The following TMEM117 variants were observed in gnomAD, a reference collection of about 807,000 sequenced individuals.
TMEM117 encodes transmembrane protein 117.
In TMEM117, 27 loss-of-function variants were observed where a neutral mutation model predicts 52.4. That is an observed-to-expected ratio of 0.51 (90% CI 0.38 to 0.71). The LOEUF is 0.71. Among genes scored for constraint, TMEM117 ranks in the 30% least tolerant of loss-of-function variants. The pLI is 0.00. For missense variants in TMEM117, 556 were observed against 630.5 expected (o/e 0.88, Z 1.26); for synonymous variants, 215 against 206.3 (o/e 1.04, Z -0.36).
chr12:43,845,000 T>G, intron 2 of TMEM117, 72 bp downstream of exon 2: 1 of 1,521,564 alleles, frequency 6.6e-7, no homozygotes, highest in Non-Finnish European at 8.8e-7. Context: ...ACAACTTTGC[T>G]ATTTCTAAGT....
At chr12:44,170,619 T>C (rs553697033) in intron 4 of TMEM117, among the ~76,000 whole-genome samples, 1 of 152,272 alleles carries the variant, frequency 6.6e-6, no homozygotes. Context: ...ATGCATTCAG[T>C]GTAGGCCAAG....
rs566131287 is a variant in TMEM117 at position 44,110,260 on chromosome 12, G to T, written c.411-33265G>T. On this transcript the variant is annotated intron_variant, in intron 3 of 7. Transcript: ENST00000266534. ...CAACACTATGTTGAATAGGAGCAGT[G>T]AGAGGGCATCCCTGTCTTGTGCCAG... Among the ~76,000 whole-genome samples, 25 of 150,496 alleles carry T rather than the reference G, an allele frequency of 1.7e-4. No homozygotes were observed. In the East Asian group the frequency reaches 4.9e-3, roughly 30 times the overall value.
At chr12:44,023,018 A>G (rs1946477937) in intron 3 of TMEM117, among the ~76,000 whole-genome samples, 1 of 152,196 alleles carries the variant, frequency 6.6e-6, no homozygotes. Flanking sequence ...TATTCATGTT[A>G]CACAGATGAA....
chr12:44,179,150 G>A (rs572512878), intron 4 of TMEM117, among the ~76,000 whole-genome samples: 9 of 151,946 alleles, frequency 5.9e-5, no homozygotes, highest in East Asian at 1.9e-4. Flanking sequence ...CCGAGATCAC[G>A]CCACTGTCCT....
At chr12:43,989,122 C>G (rs1277666958) in intron 3 of TMEM117, among the ~76,000 whole-genome samples, 1 of 152,186 alleles carries the variant, frequency 6.6e-6, no homozygotes, top group East Asian at 1.9e-4. Flanking sequence ...TGACTCTTCT[C>G]CAAGTGCTAA....
chr12:44,166,234 G>C (rs1226307806), intron 4 of TMEM117, among the ~76,000 whole-genome samples: 3 of 152,162 alleles, frequency 2.0e-5, no homozygotes, highest in Non-Finnish European at 4.4e-5. Flanking sequence ...TGCTAAGATG[G>C]AAGTTTGCAG....
At chr12:43,961,442 A>G (rs1372249872) in intron 3 of TMEM117, among the ~76,000 whole-genome samples, 1 of 152,188 alleles carries the variant, frequency 6.6e-6, no homozygotes, top group Non-Finnish European at 1.5e-5. Context: ...CTTATGCCAT[A>G]GTACTTAATG....
Position 43,997,443 on chromosome 12 carries a change from C to T in TMEM117, c.410+53101C>T, listed in dbSNP as rs555588306. ...ACTTGAATATCTCCACTTCTATTTT[C>T]AATATATACCCTGTCCATCAAGTTC... On this transcript the variant is annotated intron_variant, in intron 3 of 7. Coordinates refer to ENST00000266534, the MANE Select transcript of TMEM117 (RefSeq NM_032256.3). Among the ~76,000 whole-genome samples, 532 of 152,194 alleles carry T rather than the reference C, an allele frequency of 3.5e-3. 7 individuals carry two copies. Among genetic ancestry groups the T allele is most frequent in the African/African-American group, 0.012 (503 of 41,542 alleles).
rs1292371924 is a variant in TMEM117 at position 43,909,204 on chromosome 12, C to T, written c.278-35006C>T. On this transcript the variant is annotated intron_variant, in intron 2 of 7. Transcript: ENST00000266534. Reference sequence around the variant, plus strand: ...CAGGATTAAGAATCTCACTCAAAGCCGCTCAACTACATGGAAACTGAACAA... The same window carrying T: ...CAGGATTAAGAATCTCACTCAAAGCTGCTCAACTACATGGAAACTGAACAA... Among the ~76,000 whole-genome samples, 50 of 60,302 alleles carry T rather than the reference C, an allele frequency of 8.3e-4. 22 individuals are homozygous for T. The Admixed American group carries it at 0.01, about 12-fold the overall frequency. 39.6% of individuals were successfully genotyped at this position (60,302 alleles called of 152,430 possible).
Position 44,388,939 on chromosome 12 carries a change from T to A in TMEM117, c.*267T>A, listed in dbSNP as rs1330788044. ...ACTGACTTTACAGCATAGTGGAAGA[T>A]TAGCTGATGACCCATGTATCTGATG... On this transcript the variant is annotated 3_prime_UTR_variant, in exon 8 of 8. Transcript: ENST00000266534. 4.9e-6 allele frequency: 2 copies of A among 404,970 alleles called. No homozygotes were observed. The highest frequency in any genetic ancestry group is 4.5e-6 in the Non-Finnish European group (1 of 223,860). 25.1% of individuals were successfully genotyped at this position (404,970 alleles called of 1,614,324 possible).
intron 4 of TMEM117, among the ~76,000 whole-genome samples, chr12:44,171,847 A>G (rs150615056): frequency 0.012 from 1,863 of 152,246 alleles, 31 homozygotes; most frequent in African/African-American, 0.042. Context: ...TTTGCTGAGA[A>G]GGAGAGAAGT....
rs776126248 is a variant in TMEM117 at position 44,299,685 on chromosome 12, C to A, written c.714C>A (p.Ser238=). The change falls in exon 6 of 8, where the codon TCC becomes TCA. Residue 238 remains serine, a synonymous_variant. Coordinates refer to ENST00000266534, the MANE Select transcript of TMEM117 (RefSeq NM_032256.3). ...GATTTTTGCCCAGTGATGAAGTTTC[C>A]AGAGCATTCCTTGCTTCTTTTATCT... is the stretch of plus-strand genomic sequence containing the variant. ...NRGFLPSDEV[S]RAFLASFILV... The A allele has an allele frequency of 2.5e-6, 4 of 1,614,032 alleles. No homozygotes were observed. Among genetic ancestry groups the A allele is most frequent in the African/African-American group, 1.3e-5 (1 of 74,900 alleles).
intron 2 of TMEM117, among the ~76,000 whole-genome samples, chr12:43,883,811 A>C (rs538854166): frequency 6.6e-6 from 1 of 152,098 alleles, no homozygotes; most frequent in Non-Finnish European, 1.5e-5. Context: ...GATCTAGCCA[A>C]GCAACTCTAT....
intron 3 of TMEM117, among the ~76,000 whole-genome samples, chr12:44,115,016 A>G (rs1948113526): frequency 6.6e-6 from 1 of 152,246 alleles, no homozygotes; most frequent in South Asian, 2.1e-4. Context: ...CGTAAATCAT[A>G]TATAATTTTT....
chr12:43,815,764 C>A, the TMEM117 span, among the ~76,000 whole-genome samples: 1 of 152,214 alleles, frequency 6.6e-6, no homozygotes, highest in African/African-American at 2.4e-5. Flanking sequence ...CACACTTGCA[C>A]ACATGCAAAA....
chr12:43,853,492 T>G (rs1179770320), intron 2 of TMEM117, among the ~76,000 whole-genome samples: 1 of 152,216 alleles, frequency 6.6e-6, no homozygotes, highest in Non-Finnish European at 1.5e-5. Context: ...GCCAGGATGG[T>G]CTCGATCTCC....
chr12:44,253,829 A>G (rs1214018114), intron 5 of TMEM117, among the ~76,000 whole-genome samples: 1 of 136,376 alleles, frequency 7.3e-6, no homozygotes, highest in African/African-American at 3.1e-5. Flanking sequence ...CTATACTGAT[A>G]ATTCCTACAC....
intron 2 of TMEM117, among the ~76,000 whole-genome samples, chr12:43,913,373 AATC>A (rs1235743348): frequency 6.6e-6 from 1 of 152,186 alleles, no homozygotes; most frequent in Non-Finnish European, 1.5e-5. Context: ...ATTGTTTTAT[AATC>A]ATATTTTGAA....
At position 43,898,066 on chromosome 12, in the gene TMEM117, A is replaced by C. The variant is rs116263308; in HGVS notation, c.278-46144A>C. ...CACGCACGCACACACACACACACAC[A>C]CACACCGATTTCCTTCAGTTTTAGC... On this transcript the variant is annotated intron_variant, in intron 2 of 7. Transcript: ENST00000266534. Among the ~76,000 whole-genome samples the C allele has an allele frequency of 1.9e-3, 293 of 151,744 alleles. 1 individual carries two copies. Among genetic ancestry groups the C allele is most frequent in the African/African-American group, 6.8e-3 (281 of 41,242 alleles).
Sources: allele counts gnomAD v4.1 joint callset (sites outside exome capture counted in the v4.1 genomes callset), GRCh38; gene constraint gnomAD v4.1.1; transcripts MANE v1.5; gene names NCBI Gene and HGNC (gene_info 2026-07-23, HGNC 2026-07-21).